The following ADGRL3 variants were observed in gnomAD, a reference collection of about 807,000 sequenced individuals.
ADGRL3 encodes calcium-independent alpha-latrotoxin receptor 3.
ADGRL3 carries 62 observed loss-of-function variants against 153.5 expected under a neutral mutation model. The observed-to-expected ratio is 0.40, with a 90% CI of 0.33 to 0.50. The LOEUF (loss-of-function observed/expected upper bound fraction) is 0.50. Among genes scored for constraint, ADGRL3 ranks in the 20% least tolerant of loss-of-function variants. ADGRL3 has a pLI of 0.47. For synonymous variants in ADGRL3, 710 were observed against 672.5 expected (o/e 1.06, Z -0.86); for missense variants, 1,641 against 1,859.4 (o/e 0.88, Z 2.16).
intron 9 of ADGRL3, among the ~76,000 whole-genome samples, chr4:61,854,725 A>G (rs2098244067): frequency 6.6e-6 from 1 of 152,216 alleles, no homozygotes; most frequent in African/African-American, 2.4e-5. Flanking sequence ...GGAAAGAGGA[A>G]AAAAGTAAGT....
chr4:61,559,660 A>G (rs1395987525), intron 4 of ADGRL3, among the ~76,000 whole-genome samples: 1 of 152,048 alleles, frequency 6.6e-6, no homozygotes, highest in East Asian at 1.9e-4. Flanking sequence ...CTGGCATGCC[A>G]CAAGGGGATG....
At chr4:61,921,925 G>A (rs2098771650) in intron 13 of ADGRL3, among the ~76,000 whole-genome samples, 2 of 152,124 alleles carry the variant, frequency 1.3e-5, no homozygotes. Flanking sequence ...AGCTAGATTT[G>A]GGTAGTGTTT....
At chr4:61,682,625 C>A (rs1358418634) in intron 6 of ADGRL3, among the ~76,000 whole-genome samples, 2 of 143,820 alleles carry the variant, frequency 1.4e-5, no homozygotes, top group Non-Finnish European at 3.0e-5. Context: ...GGTCTCAAAG[C>A]AATCTTTCTG....
intron 1 of ADGRL3, among the ~76,000 whole-genome samples, chr4:61,215,621 G>A (rs1248264898): frequency 3.0e-5 from 4 of 133,412 alleles, no homozygotes; most frequent in Admixed American, 2.8e-4. Context: ...GCCCGATCTC[G>A]GCTCCCTGCA....
intron 9 of ADGRL3, among the ~76,000 whole-genome samples, chr4:61,862,839 C>A (rs549059591): frequency 6.6e-6 from 1 of 152,210 alleles, no homozygotes; most frequent in East Asian, 1.9e-4. Flanking sequence ...TCAACACTAC[C>A]ACTAGATCAG....
rs759235804 is a variant in ADGRL3 at position 61,892,782 on chromosome 4, G to T, written c.1607G>T (p.Ser536Ile). The change falls in exon 10 of 27, where the codon AGT becomes ATT. Residue 536 changes from serine (S) to isoleucine (I), a missense_variant. Ser to Ile is a moderately radical substitution (Grantham distance 142, BLOSUM62 -2). Around this residue, in one of 5 missense-constraint regions of ADGRL3, gnomAD observed 734 missense variants for 797.0 expected, o/e 0.92. Transcript: ENST00000683033. ...SVSGRRNRST[S>I]TPSPAVEVLD... is the part of the protein sequence containing the mutation. The stretch of plus-strand genomic sequence containing the variant: ...TCAGGAAGAAGAAACCGGAGTACTA[G>T]TACCCCATCTCCAGCTGTCGAGGTA... 10 of 1,613,874 alleles carry T rather than the reference G, an allele frequency of 6.2e-6. No individual in the cohort carries two copies. Among genetic ancestry groups the T allele is most frequent in the Non-Finnish European group, 8.5e-6 (10 of 1,179,868 alleles).
intron 4 of ADGRL3, among the ~76,000 whole-genome samples, chr4:61,584,473 T>C (rs749448417): frequency 3.9e-5 from 6 of 152,050 alleles, no homozygotes; most frequent in Non-Finnish European, 5.9e-5. Flanking sequence ...ATTACAGCTA[T>C]GTCAATGTAT....
At chr4:61,677,624 C>T (rs770480947) in intron 6 of ADGRL3, among the ~76,000 whole-genome samples, 6 of 152,000 alleles carry the variant, frequency 3.9e-5, no homozygotes, top group South Asian at 2.1e-4. Flanking sequence ...ATATCTAACT[C>T]GTTAATTATT....
At chr4:61,325,257 AG>A (rs1458201197) in intron 1 of ADGRL3, among the ~76,000 whole-genome samples, 1 of 152,156 alleles carries the variant, frequency 6.6e-6, no homozygotes, top group Non-Finnish European at 1.5e-5. Context: ...AGTTGCAGTG[AG>A]CTGAGATCAC....
chr4:61,351,149 A>G (rs1423247396), intron 1 of ADGRL3, among the ~76,000 whole-genome samples: 1 of 152,198 alleles, frequency 6.6e-6, no homozygotes, highest in African/African-American at 2.4e-5. Flanking sequence ...AGAAAATTTC[A>G]GTGGTTTGGA....
At chr4:61,428,907 A>G (rs910801322) in intron 2 of ADGRL3, among the ~76,000 whole-genome samples, 3 of 142,024 alleles carry the variant, frequency 2.1e-5, no homozygotes, top group Admixed American at 6.9e-5. Context: ...CTATCTATCT[A>G]TCTATCTATC....
intron 2 of ADGRL3, among the ~76,000 whole-genome samples, chr4:61,431,418 C>T (rs1454410489): frequency 6.6e-6 from 1 of 152,136 alleles, no homozygotes; most frequent in Non-Finnish European, 1.5e-5. Flanking sequence ...GCTCAATAGT[C>T]GATGAGCCAC....
chr4:62,013,709 G>C (rs1276525547), intron 21 of ADGRL3, among the ~76,000 whole-genome samples: 1 of 151,858 alleles, frequency 6.6e-6, no homozygotes, highest in Non-Finnish European at 1.5e-5. Flanking sequence ...CCAATGTGGT[G>C]AAACCCTGTC....
At position 61,926,923 on chromosome 4, in the gene ADGRL3, C is replaced by T. The variant is rs151264904; in HGVS notation, c.2113-7917C>T. 6.7e-3 allele frequency among the ~76,000 whole-genome samples: 1,026 copies of T among 152,278 alleles called. 6 individuals are homozygous for T. Among genetic ancestry groups the T allele is most frequent in the Admixed American group, 0.012 (176 of 15,294 alleles). ...TCAGTTTCTTTGCAGTGCCTATTCT[C>T]TTTCACCTCTGTGCCTGTAAGTACA... is the stretch of plus-strand genomic sequence containing the variant. On this transcript the variant is annotated intron_variant, in intron 13 of 26. Coordinates refer to ENST00000683033, the MANE Select transcript of ADGRL3 (RefSeq NM_001387552.1).
chr4:61,370,525 T>C (rs2151698483), intron 1 of ADGRL3, among the ~76,000 whole-genome samples: 2 of 152,304 alleles, frequency 1.3e-5, no homozygotes, highest in East Asian at 3.9e-4. Flanking sequence ...TCAGTTTCCA[T>C]GTAGTTGAGT....
chr4:61,857,072 CTTTCT>C (rs1233593680), intron 9 of ADGRL3, among the ~76,000 whole-genome samples: 2 of 148,274 alleles, frequency 1.3e-5, no homozygotes, highest in Admixed American at 1.4e-4. Context: ...CTCTCTCTTT[CTTTCT>C]TTCTTTTTTT....
At chr4:61,228,570 G>A (rs74861048) in intron 1 of ADGRL3, among the ~76,000 whole-genome samples, 1,806 of 152,232 alleles carry the variant, frequency 0.012, 20 homozygotes, top group Middle Eastern at 0.061. Flanking sequence ...TAGACTGAGA[G>A]GACCTTTAAG....
intron 8 of ADGRL3, among the ~76,000 whole-genome samples, chr4:61,743,587 A>C (rs1251125273): frequency 6.6e-6 from 1 of 152,204 alleles, no homozygotes. Context: ...AATATCTACG[A>C]TAATTTGGCT....
intron 13 of ADGRL3, among the ~76,000 whole-genome samples, chr4:61,916,384 CA>C (rs2098745216): frequency 6.6e-6 from 1 of 152,054 alleles, no homozygotes; most frequent in Non-Finnish European, 1.5e-5. Context: ...TACATAGCCC[CA>C]GCTACTTGAG....
Sources: allele counts gnomAD v4.1 joint callset (sites outside exome capture counted in the v4.1 genomes callset), GRCh38; gene constraint gnomAD v4.1.1; regional missense constraint gnomAD v4.1.1; transcripts MANE v1.5; gene names NCBI Gene and HGNC (gene_info 2026-07-23, HGNC 2026-07-21).